ZNF804B: variants seen among roughly 807,000 people sequenced by gnomAD.
ZNF804B encodes zinc finger 804B.
In ZNF804B, 80 loss-of-function variants were observed where a neutral mutation model predicts 101.4. The observed-to-expected ratio is 0.79, with a 90% CI of 0.66 to 0.95. The LOEUF (loss-of-function observed/expected upper bound fraction) is 0.95. Ranked by LOEUF, ZNF804B falls within the 40% of genes least tolerant of loss-of-function variation. ZNF804B has a pLI of 0.00. For synonymous variants in ZNF804B, 622 were observed against 558.8 expected (o/e 1.11, Z -1.59); for missense variants, 1,673 against 1,561.9 (o/e 1.07, Z -1.20).
chr7:88,981,039 G>A (rs57360613), intron 1 of ZNF804B, among the ~76,000 whole-genome samples: 1 of 152,136 alleles, frequency 6.6e-6, no homozygotes, highest in African/African-American at 2.4e-5. Context: ...CAAAGTCCTT[G>A]TCACTCTTCC....
In ZNF804B at chr7:88,788,945, G is replaced by T. The variant is rs139793045; in HGVS notation, c.108+28861G>T. Among the ~76,000 whole-genome samples the T allele has an allele frequency of 9.6e-4, 146 of 152,130 alleles. 1 individual carries two copies. The East Asian group carries it at 0.015, about 16-fold the overall frequency. ...AAATATTCACATTCAGTTAAAAATG[G>T]TTTCTTTTTCATTTGAAATTTATAT... On this transcript the variant is annotated intron_variant, in intron 1 of 3. Transcript: ENST00000333190.
At chr7:88,808,732 A>T (rs1790729545) in intron 1 of ZNF804B, among the ~76,000 whole-genome samples, 1 of 152,220 alleles carries the variant, frequency 6.6e-6, no homozygotes, top group Non-Finnish European at 1.5e-5. Context: ...TGGAGCAATG[A>T]CTCAACATAT....
intron 3 of ZNF804B, among the ~76,000 whole-genome samples, chr7:89,329,563 A>G (rs1156523365): frequency 6.6e-6 from 1 of 151,650 alleles, no homozygotes; most frequent in African/African-American, 2.4e-5. Flanking sequence ...ATTTACTGGT[A>G]GTGCATAAAA....
Position 89,218,340 on chromosome 7 carries a change from C to A in ZNF804B, c.249+45C>A, listed in dbSNP as rs371677830. ...GTCCTTCATATTCCTGTATTTATAC[C>A]TTCAGAACAGAACTGTATGAATTTG... On this transcript the variant is annotated intron_variant, in intron 2 of 3. Coordinates refer to ENST00000333190, the MANE Select transcript of ZNF804B (RefSeq NM_181646.5). The A allele has an allele frequency of 1.2e-4, 191 of 1,605,458 alleles. No individual in the cohort carries two copies. In the African/African-American group the frequency reaches 2.4e-3, roughly 20 times the overall value.
rs553893485 is a variant in ZNF804B at position 89,153,576 on chromosome 7, T to A, written c.109-64579T>A. ...GTCTCTAGAGATATAATAAGGTTTTTCACTACTAGCAATAATAGCAAAGAA... is the reference window on the plus strand; with the variant it reads ...GTCTCTAGAGATATAATAAGGTTTTACACTACTAGCAATAATAGCAAAGAA... On this transcript the variant is annotated intron_variant, in intron 1 of 3. Coordinates refer to ENST00000333190, the MANE Select transcript of ZNF804B (RefSeq NM_181646.5). 2.7e-4 allele frequency among the ~76,000 whole-genome samples: 41 copies of A among 152,154 alleles called. No homozygotes were observed. The East Asian group carries it at 7.7e-3, about 29-fold the overall frequency.
chr7:89,265,080 T>A (rs942672591), intron 2 of ZNF804B, among the ~76,000 whole-genome samples: 2 of 152,218 alleles, frequency 1.3e-5, no homozygotes, highest in Non-Finnish European at 2.9e-5. Context: ...AATCACCATG[T>A]GCCATTGATT....
At chr7:89,037,199 C>T (rs989819081) in intron 1 of ZNF804B, among the ~76,000 whole-genome samples, 1 of 152,034 alleles carries the variant, frequency 6.6e-6, no homozygotes, top group East Asian at 1.9e-4. Context: ...TTCAAGTTGA[C>T]CTGCCAGAAT....
At position 89,335,328 on chromosome 7, in the gene ZNF804B, G is replaced by A. The variant is rs771230027; in HGVS notation, c.2346G>A (p.Glu782=). 40 of 1,613,620 alleles carry A rather than the reference G, an allele frequency of 2.5e-5. No individual in the cohort carries two copies. Among genetic ancestry groups the A allele is most frequent in the South Asian group, 1.1e-5 (1 of 91,086 alleles). Reference sequence around the variant, plus strand: ...AAATGCAGTCTGAACCACAGAAAGAGAGGAACTGCAAATTGTGGGAATCAT... The same window carrying A: ...AAATGCAGTCTGAACCACAGAAAGAAAGGAACTGCAAATTGTGGGAATCAT... ...SSQMQSEPQK[E]RNCKLWESFK... The change falls in exon 4 of 4, where the codon GAG becomes GAA. Residue 782 remains glutamate (E), a synonymous_variant. Transcript: ENST00000333190.
chr7:88,997,523 A>G (rs940769812), intron 1 of ZNF804B, among the ~76,000 whole-genome samples: 2 of 152,096 alleles, frequency 1.3e-5, no homozygotes, highest in African/African-American at 2.4e-5. Flanking sequence ...TCTAATCATA[A>G]TGATACATTT....
At chr7:89,315,761 C>T (rs1195192471) in intron 2 of ZNF804B, among the ~76,000 whole-genome samples, 1 of 151,990 alleles carries the variant, frequency 6.6e-6, no homozygotes, top group African/African-American at 2.4e-5. Flanking sequence ...CACACACAAG[C>T]TGATCATGTC....
At position 89,279,893 on chromosome 7, in the gene ZNF804B, C is replaced by A. The variant is rs187036586; in HGVS notation, c.250-47451C>A. Among the ~76,000 whole-genome samples, 575 of 152,216 alleles carry A rather than the reference C, an allele frequency of 3.8e-3. 3 individuals are homozygous for A. The highest frequency in any genetic ancestry group is 0.013 in the African/African-American group (553 of 41,526). ...GGATACCCAGGAATTGAACTCAGCT[C>A]TGCACCAAGCAGACCTAATAGACAT... On this transcript the variant is annotated intron_variant, in intron 2 of 3. Transcript: ENST00000333190.
At chr7:88,794,154 G>T (rs1342970482) in intron 1 of ZNF804B, 1 of 1,561,508 alleles carries the variant, frequency 6.4e-7, no homozygotes, top group Non-Finnish European at 8.7e-7. Context: ...CTCCTTAAGA[G>T]ACATGGGCAC....
chr7:89,082,191 A>G (rs1761992170), intron 1 of ZNF804B, among the ~76,000 whole-genome samples: 1 of 151,692 alleles, frequency 6.6e-6, no homozygotes, highest in South Asian at 2.1e-4. Flanking sequence ...ACGCTGATGA[A>G]AGGGAACAAA....
chr7:89,152,795 G>A (rs564364982), intron 1 of ZNF804B, among the ~76,000 whole-genome samples: 1 of 151,852 alleles, frequency 6.6e-6, no homozygotes, highest in Non-Finnish European at 1.5e-5. Flanking sequence ...ACTGCAAATT[G>A]ACATCTTTGT....
At chr7:88,767,886 G>T (rs868695684) in intron 1 of ZNF804B, among the ~76,000 whole-genome samples, 2 of 152,218 alleles carry the variant, frequency 1.3e-5, no homozygotes, top group Non-Finnish European at 2.9e-5. Context: ...CCCTTCATTT[G>T]TTGGGCCATA....
chr7:88,802,917 C>A (rs1350346800), intron 1 of ZNF804B, among the ~76,000 whole-genome samples: 2 of 152,074 alleles, frequency 1.3e-5, no homozygotes, highest in East Asian at 3.9e-4. Context: ...CTAAATAAAA[C>A]TCCTAACATT....
intron 1 of ZNF804B, among the ~76,000 whole-genome samples, chr7:89,156,016 T>TCTTTCC (rs1449269669): frequency 8.3e-5 from 7 of 84,044 alleles, no homozygotes; most frequent in African/African-American, 2.0e-4. Flanking sequence ...TCTTTCTCTC[T>TCTTTCC]TTCCTTTCTT....
chr7:88,823,366 C>T (rs1583959353), intron 1 of ZNF804B, among the ~76,000 whole-genome samples: 2 of 152,094 alleles, frequency 1.3e-5, no homozygotes, highest in East Asian at 3.9e-4. Context: ...ACAGCCTGGA[C>T]AGTAATTTTT....
intron 1 of ZNF804B, among the ~76,000 whole-genome samples, chr7:88,919,811 C>G (rs1792693172): frequency 6.6e-6 from 1 of 152,032 alleles, no homozygotes; most frequent in African/African-American, 2.4e-5. Flanking sequence ...AGGCCTGATT[C>G]TAAATGTCAG....
Sources: allele counts gnomAD v4.1 joint callset (sites outside exome capture counted in the v4.1 genomes callset), GRCh38; gene constraint gnomAD v4.1.1; transcripts MANE v1.5; gene names NCBI Gene and HGNC (gene_info 2026-07-23, HGNC 2026-07-21).